The following ACVR1B variants were observed in gnomAD, a reference collection of about 807,000 sequenced individuals.
ACVR1B encodes activin receptor type-1B.
ACVR1B carries 15 observed loss-of-function variants against 55.6 expected under a neutral mutation model. The observed-to-expected ratio is 0.27, with a 90% CI of 0.18 to 0.42. The LOEUF (loss-of-function observed/expected upper bound fraction) is 0.42. Among genes scored for constraint, ACVR1B ranks in the 10% least tolerant of loss-of-function variants. ACVR1B has a pLI of 1.00. For synonymous variants in ACVR1B, 247 were observed against 254.6 expected, an observed-to-expected ratio of 0.97 and a Z score of 0.28; for missense variants, 359 against 670.1, an observed-to-expected ratio of 0.54 and a Z score of 5.13.
At chr12:51,975,545 G>C (rs1565616259) in intron 2 of ACVR1B, 41 bp downstream of exon 2, 3 of 1,593,674 alleles carry the variant, frequency 1.9e-6, no homozygotes, top group Non-Finnish European at 2.6e-6. Context: ...TCAGCTTGGA[G>C]ATAGGGTACC....
At chr12:51,991,726 A>G (rs1488907017) in intron 7 of ACVR1B, 137 bp from the exon 8 acceptor site, 14 of 958,378 alleles carry the variant, frequency 1.5e-5, no homozygotes, top group Non-Finnish European at 1.7e-5. Context: ...CTTGTTCCAT[A>G]CTTAGAATTA....
chr12:51,986,702 G>A (rs958088339), intron 6 of ACVR1B, 116 bp from the exon 7 acceptor site: 3 of 1,398,386 alleles, frequency 2.1e-6, no homozygotes, highest in Non-Finnish European at 2.9e-6. Flanking sequence ...TCTGCCCCAA[G>A]GGACTTTATC....
At chr12:51,955,533 C>T (rs375745791) in intron 1 of ACVR1B, among the ~76,000 whole-genome samples, 1 of 152,286 alleles carries the variant, frequency 6.6e-6, no homozygotes, top group South Asian at 2.1e-4. Context: ...ATTATCAGTT[C>T]GTGGTGCTTT....
chr12:51,983,964 C>G (rs548913818), intron 4 of ACVR1B, 35 bp from the exon 5 acceptor site: 1 of 1,612,226 alleles, frequency 6.2e-7, no homozygotes, highest in Non-Finnish European at 8.5e-7. Flanking sequence ...CTGATAGTTA[C>G]ACTTTTTCTG....
intron 7 of ACVR1B, among the ~76,000 whole-genome samples, chr12:51,991,133 C>A (rs992564935): frequency 6.6e-6 from 1 of 152,206 alleles, no homozygotes; most frequent in Non-Finnish European, 1.5e-5. Flanking sequence ...ATACTTGATT[C>A]TTTCCACTTA....
chr12:51,976,477 G>A lies in ACVR1B; in HGVS notation c.482G>A (p.Arg161Lys). The A allele has an allele frequency of 1.9e-6, 3 of 1,614,144 alleles. No individual in the cohort carries two copies. Among genetic ancestry groups the A allele is most frequent in the Non-Finnish European group, 2.5e-6 (3 of 1,180,022 alleles). Residue 161 changes from arginine to lysine, a missense_variant, in exon 3 of 9, where the codon AGA becomes AAA. By Grantham distance (26) the Arg-to-Lys change is conservative. Coordinates refer to ENST00000257963, the MANE Select transcript of ACVR1B (RefSeq NM_004302.5). ...CAGCGTGTCTATCACAACCGCCAGA[G>A]ACTGGACATGGAAGATCCCTCATGT... ...YHQRVYHNRQ[R>K]LDMEDPSCEM... is the part of the protein sequence containing the mutation.
intron 1 of ACVR1B, among the ~76,000 whole-genome samples, chr12:51,957,624 C>T (rs558780014): frequency 3.9e-5 from 6 of 152,120 alleles, no homozygotes; most frequent in African/African-American, 1.4e-4. Flanking sequence ...AGGCTGGTCT[C>T]AAATTCCTGG....
In ACVR1B at chr12:51,980,931, T is replaced by C. The variant is rs1294661279; in HGVS notation, c.581-38T>C. The C allele has an allele frequency of 2.6e-6, 4 of 1,544,238 alleles. No homozygotes were observed. In the African/African-American group the frequency reaches 4.1e-5, roughly 16 times the overall value. On this transcript the variant is annotated intron_variant, in intron 3 of 8. Coordinates refer to ENST00000257963, the MANE Select transcript of ACVR1B (RefSeq NM_004302.5). ...GTGGGAGTTGGAAAATTTGTCAAATTTGCAATGTCAGGTTTCTTCCTATTC... is the reference window on the plus strand; with the variant it reads ...GTGGGAGTTGGAAAATTTGTCAAATCTGCAATGTCAGGTTTCTTCCTATTC...
intron 1 of ACVR1B, among the ~76,000 whole-genome samples, chr12:51,959,886 G>A (rs1941484409): frequency 6.6e-6 from 1 of 151,646 alleles, no homozygotes; most frequent in South Asian, 2.1e-4. Context: ...TTTGAGTTGA[G>A]GAATCTGGGA....
chr12:51,967,489 G>A lies in ACVR1B; in HGVS notation c.92-7776G>A, dbSNP rs576338231. 2.6e-5 allele frequency among the ~76,000 whole-genome samples: 4 copies of A among 152,158 alleles called. No individual in the cohort carries two copies. The South Asian group carries it at 8.3e-4, about 32-fold the overall frequency. On this transcript the variant is annotated intron_variant, in intron 1 of 8. Coordinates refer to ENST00000257963, the MANE Select transcript of ACVR1B (RefSeq NM_004302.5). ...CAGGAGAATCGCTTGAACCCAGGAG[G>A]CAATGGTTGCAGTGAGCCGAAATCG...
intron 3 of ACVR1B, among the ~76,000 whole-genome samples, chr12:51,980,223 A>C (rs577709351): frequency 3.9e-5 from 6 of 152,218 alleles, no homozygotes; most frequent in Non-Finnish European, 8.8e-5. Context: ...CATAGTAAGC[A>C]TGCAGTAAAT....
intron 7 of ACVR1B, among the ~76,000 whole-genome samples, chr12:51,989,962 G>T (rs552557437): frequency 6.6e-6 from 1 of 152,098 alleles, no homozygotes; most frequent in South Asian, 2.1e-4. Context: ...TCCAGCCTGG[G>T]CAACAGTGGA....
chr12:51,968,373 G>A (rs1350088218), intron 1 of ACVR1B, among the ~76,000 whole-genome samples: 1 of 152,234 alleles, frequency 6.6e-6, no homozygotes, highest in Non-Finnish European at 1.5e-5. Context: ...TATATTAATA[G>A]TTGGCTTGTA....
chr12:51,990,460 G>A (rs1215852534), intron 7 of ACVR1B, among the ~76,000 whole-genome samples: 1 of 151,692 alleles, frequency 6.6e-6, no homozygotes, highest in East Asian at 1.9e-4. Context: ...GGGACTACAG[G>A]TGCACCACCA....
rs1484813139 is a variant in ACVR1B at position 51,984,126 on chromosome 12, T to C, written c.939T>C (p.Ser313=). The C allele has an allele frequency of 6.2e-7, 1 of 1,614,188 alleles. No individual in the cohort carries two copies. The highest frequency in any genetic ancestry group is 1.7e-5 in the Admixed American group (1 of 60,022). Residue 313 remains serine (S), a synonymous_variant, in exon 5 of 9, where the codon AGT becomes AGC. Coordinates refer to ENST00000257963, the MANE Select transcript of ACVR1B (RefSeq NM_004302.5). The stretch of plus-strand genomic sequence containing the variant: ...TTAAGCTGGCCTTGTCTGCTGCTAG[T>C]GGGCTGGCACACCTGCACATGGAGA... ...GMIKLALSAA[S]GLAHLHMEIV... is the part of the protein sequence containing the mutation.
At chr12:51,985,169 A>T (rs1942053334) in intron 5 of ACVR1B, 23 bp from the exon 6 acceptor site, 1 of 1,597,060 alleles carries the variant, frequency 6.3e-7, no homozygotes, top group South Asian at 1.1e-5. Flanking sequence ...CTTTGTAAAG[A>T]TCCCTGTTTT....
intron 1 of ACVR1B, among the ~76,000 whole-genome samples, chr12:51,960,513 G>A (rs1019717890): frequency 5.9e-5 from 9 of 152,122 alleles, no homozygotes; most frequent in African/African-American, 1.9e-4. Flanking sequence ...TGTAATAAAA[G>A]CATCTGATTT....
intron 1 of ACVR1B, among the ~76,000 whole-genome samples, chr12:51,972,023 C>G (rs1185432783): frequency 6.6e-6 from 1 of 152,146 alleles, no homozygotes; most frequent in African/African-American, 2.4e-5. Context: ...CACATTTTTA[C>G]TTGGGTGGTG....
intron 6 of ACVR1B, 29 bp from the exon 7 acceptor site, chr12:51,986,789 G>A: frequency 6.3e-7 from 1 of 1,594,448 alleles, no homozygotes; most frequent in Middle Eastern, 1.7e-4. Context: ...CATTTTCTGT[G>A]CGTGACCATG....
Sources: allele counts gnomAD v4.1 joint callset (sites outside exome capture counted in the v4.1 genomes callset), GRCh38; gene constraint gnomAD v4.1.1; transcripts MANE v1.5; gene names NCBI Gene and HGNC (gene_info 2026-07-23, HGNC 2026-07-21).